SPRED2: variants seen among roughly 807,000 people sequenced by gnomAD.
SPRED2 encodes sprouty related EVH1 domain containing 2.
A neutral mutation model predicts 43.0 loss-of-function variants in SPRED2; 47 were observed. The observed-to-expected ratio is 1.09, with a 90% CI of 0.87 to 1.40. SPRED2 has a LOEUF of 1.40. SPRED2 is among the 40% of genes most tolerant of loss of function. SPRED2 has a pLI of 0.00. For missense variants in SPRED2, 561 were observed against 586.4 expected (o/e 0.96, Z 0.45); for synonymous variants, 225 against 225.7 (o/e 1.00, Z 0.03).
intron 1 of SPRED2, among the ~76,000 whole-genome samples, chr2:65,386,565 A>T (rs1430912585): frequency 6.6e-6 from 1 of 152,212 alleles, no homozygotes; most frequent in Non-Finnish European, 1.5e-5. Flanking sequence ...ATTATGCAAC[A>T]CCCAGAACAG....
chr2:65,375,969 C>A (rs1264402281), intron 1 of SPRED2, among the ~76,000 whole-genome samples: 1 of 152,168 alleles, frequency 6.6e-6, no homozygotes, highest in African/African-American at 2.4e-5. Flanking sequence ...GATTTTGCTA[C>A]CACTCAGGAC....
chr2:65,332,113 T>A, intron 3 of SPRED2, 62 bp from the exon 4 acceptor site: 1 of 1,070,338 alleles, frequency 9.3e-7, no homozygotes, highest in Non-Finnish European at 1.4e-6. Context: ...TCCAACCGTT[T>A]AAAAAAGTAT....
chr2:65,380,972 C>T (rs1195488824), intron 1 of SPRED2, among the ~76,000 whole-genome samples: 1 of 152,192 alleles, frequency 6.6e-6, no homozygotes, highest in Non-Finnish European at 1.5e-5. Flanking sequence ...TATGTGTCCT[C>T]TTTAATTCTC....
chr2:65,376,371 C>G (rs569185675), intron 1 of SPRED2, among the ~76,000 whole-genome samples: 13 of 152,274 alleles, frequency 8.5e-5, no homozygotes, highest in African/African-American at 3.1e-4. Context: ...TGGCCAGAAG[C>G]TTACAAAACA....
rs529966910 is a variant in SPRED2, at chr2:65,336,008, A to G, written c.205-1235T>C. ...TAAAGACCTGCCTAAATTAGTATACAGATAAATTAGAGAATATCTTTAAAT... is the reference window on the plus strand; with the variant it reads ...TAAAGACCTGCCTAAATTAGTATACGGATAAATTAGAGAATATCTTTAAAT... On this transcript the variant is annotated intron_variant, in intron 2 of 5. Coordinates refer to ENST00000356388, the MANE Select transcript of SPRED2 (RefSeq NM_181784.3). Among the ~76,000 whole-genome samples, 122 of 152,372 alleles carry G rather than the reference A, an allele frequency of 8.0e-4. 1 individual carries two copies. The highest frequency in any genetic ancestry group is 1.4e-3 in the Non-Finnish European group (97 of 68,038).
At chr2:65,388,381 C>CA (rs1675551641) in intron 1 of SPRED2, among the ~76,000 whole-genome samples, 1 of 152,224 alleles carries the variant, frequency 6.6e-6, no homozygotes, top group African/African-American at 2.4e-5. Flanking sequence ...CCCTAGGCGG[C>CA]ATGTGGGCAG....
In SPRED2 at chr2:65,311,667, G is replaced by A; in HGVS notation, c.*1834C>T. 1 of 985,652 alleles carries A rather than the reference G, an allele frequency of 1.0e-6. No homozygotes were observed. 61.1% of individuals were successfully genotyped at this position (985,652 alleles called of 1,614,324 possible). On this transcript the variant is annotated 3_prime_UTR_variant, in exon 6 of 6. Transcript: ENST00000356388. ...GGTTCTCTTTTCTTCCATCAATCCA[G>A]ATGGACAGCTCTCTGCTCCTTTTCC...
At chr2:65,419,934 G>T (rs762710968) in intron 1 of SPRED2, among the ~76,000 whole-genome samples, 3 of 152,122 alleles carry the variant, frequency 2.0e-5, no homozygotes, top group Non-Finnish European at 4.4e-5. Flanking sequence ...GCCAGGCCAG[G>T]CGCGGTGGCT....
chr2:65,418,488 CG>C (rs1004312308), intron 1 of SPRED2, among the ~76,000 whole-genome samples: 15 of 152,144 alleles, frequency 9.9e-5, no homozygotes, highest in African/African-American at 3.6e-4. Flanking sequence ...CTCACCTTGT[CG>C]GAAGTGAACT....
At chr2:65,384,664 C>T (rs968214694) in intron 1 of SPRED2, among the ~76,000 whole-genome samples, 4 of 152,138 alleles carry the variant, frequency 2.6e-5, no homozygotes, top group African/African-American at 9.7e-5. Flanking sequence ...CGGAGAAAAG[C>T]CCTCCTTACC....
intron 1 of SPRED2, among the ~76,000 whole-genome samples, chr2:65,426,650 A>C (rs1676565047): frequency 6.6e-6 from 1 of 152,180 alleles, no homozygotes; most frequent in Non-Finnish European, 1.5e-5. Flanking sequence ...TATGGTGGGA[A>C]AGTCAAAAAG....
rs569139986 is a variant in SPRED2 at position 65,345,201 on chromosome 2, C to G, written c.27-305G>C. Among the ~76,000 whole-genome samples, 8 of 148,648 alleles carry G rather than the reference C, an allele frequency of 5.4e-5. No individual in the cohort carries two copies. The South Asian group carries it at 1.7e-3, about 32-fold the overall frequency. ...TAAGTACTGATAAATGAATTGATTT[C>G]TGTAATTCAGTATCTTTAGGTTGGA... On this transcript the variant is annotated intron_variant, in intron 1 of 5. Coordinates refer to ENST00000356388, the MANE Select transcript of SPRED2 (RefSeq NM_181784.3).
chr2:65,424,226 T>C (rs991826724), intron 1 of SPRED2, among the ~76,000 whole-genome samples: 1 of 152,182 alleles, frequency 6.6e-6, no homozygotes, highest in Non-Finnish European at 1.5e-5. Flanking sequence ...CCAAAGTCCA[T>C]GATTCTTCCA....
intron 4 of SPRED2, among the ~76,000 whole-genome samples, chr2:65,319,357 G>A (rs749236511): frequency 2.3e-4 from 35 of 152,156 alleles, no homozygotes; most frequent in African/African-American, 7.5e-4. Flanking sequence ...CTCCATTTCT[G>A]TAATCAAGAT....
intron 1 of SPRED2, among the ~76,000 whole-genome samples, chr2:65,346,020 T>C (rs758438075): frequency 4.6e-5 from 7 of 152,226 alleles, no homozygotes; most frequent in African/African-American, 9.6e-5. Flanking sequence ...CCAGGCGTTA[T>C]AACAGATTCT....
intron 4 of SPRED2, among the ~76,000 whole-genome samples, chr2:65,323,252 C>T (rs1446091546): frequency 6.6e-6 from 1 of 152,146 alleles, no homozygotes; most frequent in East Asian, 1.9e-4. Flanking sequence ...ACCTCAGCCT[C>T]CCAAAGTGCT....
intron 1 of SPRED2, chr2:65,366,549 A>T: frequency 6.5e-7 from 1 of 1,540,724 alleles, no homozygotes. Context: ...GAATAAGAGA[A>T]CAATGAAAAA....
intron 1 of SPRED2, among the ~76,000 whole-genome samples, chr2:65,351,971 T>C (rs1331823772): frequency 1.3e-5 from 2 of 152,228 alleles, no homozygotes; most frequent in African/African-American, 4.8e-5. Context: ...TGCATGGTGG[T>C]AACATGATTT....
At chr2:65,333,050 G>A (rs181010574) in intron 3 of SPRED2, among the ~76,000 whole-genome samples, 1,950 of 152,110 alleles carry the variant, frequency 0.013, 43 homozygotes, top group African/African-American at 0.044. Flanking sequence ...GGCAGATCAC[G>A]AGGTCAGGAG....
Sources: allele counts gnomAD v4.1 joint callset (sites outside exome capture counted in the v4.1 genomes callset), GRCh38; gene constraint gnomAD v4.1.1; transcripts MANE v1.5; gene names NCBI Gene and HGNC (gene_info 2026-07-23, HGNC 2026-07-21).